UIMC1: variants seen among roughly 807,000 people sequenced by gnomAD.
UIMC1 encodes ubiquitin interaction motif containing 1.
A neutral mutation model predicts 84.9 loss-of-function variants in UIMC1; 42 were observed. That is an observed-to-expected ratio of 0.49 (90% CI 0.39 to 0.64). The LOEUF (loss-of-function observed/expected upper bound fraction) is 0.64. UIMC1 is among the 30% of genes least tolerant of loss of function. The pLI, the probability that UIMC1 is intolerant of heterozygous loss-of-function variation, is 0.00. For missense variants in UIMC1, 825 were observed against 847.6 expected, an observed-to-expected ratio of 0.97 and a Z score of 0.33; for synonymous variants, 281 against 293.0, an observed-to-expected ratio of 0.96 and a Z score of 0.42.
At chr5:176,985,768 C>A (rs1771895600) in intron 1 of UIMC1, among the ~76,000 whole-genome samples, 1 of 152,080 alleles carries the variant, frequency 6.6e-6, no homozygotes. Context: ...GCACACCTGG[C>A]TAATTTAATT....
At position 176,964,454 on chromosome 5, in the gene UIMC1, A is replaced by G. The variant is rs760831423; in HGVS notation, c.1200+4101T>C. 5.9e-5 allele frequency among the ~76,000 whole-genome samples: 9 copies of G among 152,352 alleles called. No individual in the cohort carries two copies. The South Asian group carries it at 1.9e-3, about 32-fold the overall frequency. ...CATAACTCTTTAACCCATCATTTTT[A>G]TGGCTCATGACTAAGTACACTGATG... is the stretch of plus-strand genomic sequence containing the variant. On this transcript the variant is annotated intron_variant, in intron 6 of 14. Transcript: ENST00000511320.
rs879641498 is a variant in UIMC1 at position 176,914,049 on chromosome 5, T to C, written c.1598-2660A>G. 8.5e-3 allele frequency among the ~76,000 whole-genome samples: 1,271 copies of C among 148,734 alleles called. 8 individuals are homozygous for C. Among genetic ancestry groups the C allele is most frequent in the South Asian group, 0.022 (104 of 4,678 alleles). ...CCATACCATACCATACACCATACCA[T>C]ACCATACCATACCATACCATACCAC... On this transcript the variant is annotated intron_variant, in intron 10 of 14. Coordinates refer to ENST00000511320, the MANE Select transcript of UIMC1 (RefSeq NM_001199298.2).
intron 10 of UIMC1, among the ~76,000 whole-genome samples, chr5:176,938,413 G>A (rs1458954626): frequency 6.6e-6 from 1 of 152,064 alleles, no homozygotes; most frequent in Non-Finnish European, 1.5e-5. Context: ...GAGATCAAAC[G>A]TACTGAGTAC....
intron 1 of UIMC1, among the ~76,000 whole-genome samples, chr5:177,020,193 T>A (rs1298668450): frequency 6.6e-6 from 1 of 152,222 alleles, no homozygotes; most frequent in Non-Finnish European, 1.5e-5. Context: ...CTGTCGTTTT[T>A]CCTGTTCCTC....
At chr5:177,006,874 C>T (rs1480935371), upstream of UIMC1, 1 of 152,234 alleles carries the variant, frequency 6.6e-6, no homozygotes, top group East Asian at 1.9e-4. Flanking sequence ...GCCCGTGAGC[C>T]GGCTCGCACC....
intron 7 of UIMC1, 77 bp downstream of exon 7, chr5:176,958,016 A>C (rs1766828871): frequency 1.4e-6 from 2 of 1,408,044 alleles, no homozygotes; most frequent in Non-Finnish European, 2.0e-6. Context: ...GTCCACGTAC[A>C]GTCTCACTCA....
chr5:176,945,311 T>C (rs1046373392), intron 9 of UIMC1, among the ~76,000 whole-genome samples: 9 of 152,170 alleles, frequency 5.9e-5, no homozygotes, highest in Non-Finnish European at 1.3e-4. Context: ...GTTGTAAAGC[T>C]TAAAAATTGC....
chr5:176,984,022 C>T (rs370709376), intron 1 of UIMC1, among the ~76,000 whole-genome samples: 24 of 112,832 alleles, frequency 2.1e-4, no homozygotes, highest in Middle Eastern at 6.1e-3. Context: ...AAGTGAGGAG[C>T]GCCTCTGCCC....
intron 10 of UIMC1, among the ~76,000 whole-genome samples, chr5:176,939,780 C>A (rs1764194530): frequency 6.6e-6 from 1 of 152,156 alleles, no homozygotes; most frequent in African/African-American, 2.4e-5. Context: ...GTTTTTATAA[C>A]AAATTTCCCT....
intron 10 of UIMC1, among the ~76,000 whole-genome samples, chr5:176,929,574 A>G (rs1762834877): frequency 6.6e-6 from 1 of 152,310 alleles, no homozygotes; most frequent in South Asian, 2.1e-4. Context: ...CAAAAAAAAA[A>G]AGTTATCTGA....
At position 176,936,053 on chromosome 5, in the gene UIMC1, T is replaced by C. The variant is rs530790389; in HGVS notation, c.1597+7282A>G. ...CTTATTCTTACCCCTTTGACTCTTATGCTTTGCCTTTCTTCTTTTCCTTAG... is the reference window on the plus strand; with the variant it reads ...CTTATTCTTACCCCTTTGACTCTTACGCTTTGCCTTTCTTCTTTTCCTTAG... On this transcript the variant is annotated intron_variant, in intron 10 of 14. Transcript: ENST00000511320. 3.3e-5 allele frequency among the ~76,000 whole-genome samples: 5 copies of C among 152,368 alleles called. No individual in the cohort carries two copies. The East Asian group carries it at 7.7e-4, about 23-fold the overall frequency.
chr5:176,959,694 C>G (rs1767076948), intron 6 of UIMC1, among the ~76,000 whole-genome samples: 1 of 123,700 alleles, frequency 8.1e-6, no homozygotes. Flanking sequence ...CCAGCCTGGG[C>G]GACAGAGCGA....
chr5:176,926,283 A>C (rs1022574928), intron 10 of UIMC1, among the ~76,000 whole-genome samples: 2 of 152,116 alleles, frequency 1.3e-5, no homozygotes, highest in South Asian at 2.1e-4. Flanking sequence ...TATTGGCATT[A>C]ATGTTAAATT....
intron 1 of UIMC1, among the ~76,000 whole-genome samples, chr5:176,986,125 C>G (rs1479551915): frequency 6.6e-6 from 1 of 151,280 alleles, no homozygotes; most frequent in African/African-American, 2.4e-5. Flanking sequence ...GATAGAAGGC[C>G]GTCGTGGGCT....
chr5:176,995,924 C>T (rs1773550850), intron 1 of UIMC1, among the ~76,000 whole-genome samples: 2 of 150,734 alleles, frequency 1.3e-5, no homozygotes, highest in South Asian at 4.2e-4. Context: ...AAAAAATAAG[C>T]ATGTATCTAC....
At chr5:176,930,522 G>A (rs557239148) in intron 10 of UIMC1, among the ~76,000 whole-genome samples, 1 of 152,304 alleles carries the variant, frequency 6.6e-6, no homozygotes, top group Non-Finnish European at 1.5e-5. Flanking sequence ...AGACTGTTAT[G>A]AGGATTAGAA....
Position 176,958,171 on chromosome 5 carries a change from A to G in UIMC1, c.1201-17T>C. On this transcript the variant is annotated splice_polypyrimidine_tract_variant and intron_variant, in intron 6 of 14. Transcript: ENST00000511320. Reference sequence around the variant, plus strand: ...TTGGGAAGACTGCAAAGAAATACGTAGTATCTTAAATATACAGGCACAGGT... The same window carrying G: ...TTGGGAAGACTGCAAAGAAATACGTGGTATCTTAAATATACAGGCACAGGT... 3 of 1,609,880 alleles carry G rather than the reference A, an allele frequency of 1.9e-6. No individual in the cohort carries two copies. Among genetic ancestry groups the G allele is most frequent in the African/African-American group, 1.3e-5 (1 of 75,000 alleles).
intron 9 of UIMC1, among the ~76,000 whole-genome samples, chr5:176,945,894 T>C (rs1299005397): frequency 1.3e-5 from 2 of 152,342 alleles, no homozygotes; most frequent in African/African-American, 4.8e-5. Context: ...GTGTTTCTGT[T>C]TTAAGGCTCT....
chr5:176,973,767 G>A (rs1281611203), intron 3 of UIMC1, among the ~76,000 whole-genome samples: 6 of 152,060 alleles, frequency 3.9e-5, no homozygotes, highest in African/African-American at 1.4e-4. Flanking sequence ...GCTGGATGTG[G>A]TGGTATACAC....
Sources: gnomAD v4.1 joint callset for allele counts (sites outside exome capture counted in the v4.1 genomes callset) on GRCh38, gnomAD v4.1.1 for gene constraint, MANE v1.5 for transcripts, NCBI Gene and HGNC (gene_info 2026-07-23, HGNC 2026-07-21) for gene names.